POLR2F: variants seen among roughly 807,000 people sequenced by gnomAD.
The protein encoded by POLR2F is DNA-directed RNA polymerases I, II, and III subunit RPABC2.
Under a neutral mutation model 22.7 loss-of-function variants are expected in POLR2F, and 12 were observed. That is an observed-to-expected ratio of 0.53 (90% CI 0.34 to 0.86). The LOEUF (loss-of-function observed/expected upper bound fraction) is 0.86, where lower values mean the gene tolerates loss of function less well. Among genes scored for constraint, POLR2F ranks in the 40% least tolerant of loss-of-function variants. The pLI is 0.02. For missense variants in POLR2F, 126 were observed against 171.5 expected, an observed-to-expected ratio of 0.73 and a Z score of 1.48; for synonymous variants, 57 against 66.0, an observed-to-expected ratio of 0.86 and a Z score of 0.66.
At chr22:37,983,218 C>CA, upstream of POLR2F, 1 of 1,058,276 alleles carries the variant, frequency 9.4e-7, no homozygotes, top group Non-Finnish European at 1.4e-6. The surrounding 1 kb of genome is among the most constrained non-coding windows in gnomAD (Gnocchi z 9.5). Flanking sequence ...GCGCGGCCCC[C>CA]ACACCTGGTC....
intron 5 of POLR2F, chr22:38,032,910 G>A (rs1319281998): frequency 1.2e-5 from 2 of 166,558 alleles, no homozygotes; most frequent in Non-Finnish European, 2.9e-5. Flanking sequence ...TGGGCCACTG[G>A]TGAGCTGCCT....
rs544903739 is a variant in POLR2F, at chr22:37,993,390, T to C, written c.120+7078T>C. Reference sequence around the variant, plus strand: ...AGGAAGGGAGCTCAGCCCACCCATCTTACTGCTCTCACCCGGTTTACTGCT... The same window carrying C: ...AGGAAGGGAGCTCAGCCCACCCATCCTACTGCTCTCACCCGGTTTACTGCT... On this transcript the variant is annotated intron_variant, in intron 1 of 2. Coordinates refer to the POLR2F transcript ENST00000333418. Among the ~76,000 whole-genome samples, 3 of 152,358 alleles carry C rather than the reference T, an allele frequency of 2.0e-5. No individual in the cohort carries two copies. The South Asian group carries it at 6.2e-4, about 32-fold the overall frequency.
chr22:38,040,507 TC>T (rs2085162187), intron 5 of POLR2F: 1 of 155,488 alleles, frequency 6.4e-6, no homozygotes. Context: ...GGGGACTAGA[TC>T]CTGAGGGCAG....
intron 1 of POLR2F, among the ~76,000 whole-genome samples, chr22:38,013,850 C>T (rs1023555042): frequency 2.6e-5 from 4 of 152,256 alleles, no homozygotes; most frequent in African/African-American, 9.6e-5. Flanking sequence ...TGGCCAGGCG[C>T]GGTGGCTTAC....
rs1931537182 is a variant in POLR2F at position 37,959,458 on chromosome 22, C to T, written c.203C>T (p.Thr68Ile). The change falls in exon 3 of 5, where the codon ACC becomes ATC. Residue 68 changes from threonine (T) to isoleucine (I), a missense_variant. Thr to Ile is a moderately conservative substitution (Grantham distance 89). Transcript: ENST00000442738. Reference protein sequence around the residue: ...TKYERARVLGTRALQIAMCAP... With the variant: ...TKYERARVLGIRALQIAMCAP... ...TACGAGCGAGCCCGCGTGCTGGGCACCCGAGCGCTCCAGATTGCGTGAGTG... is the reference window on the plus strand; with the variant it reads ...TACGAGCGAGCCCGCGTGCTGGGCATCCGAGCGCTCCAGATTGCGTGAGTG... The T allele has an allele frequency of 1.9e-6, 3 of 1,613,820 alleles. No homozygotes were observed. The highest frequency in any genetic ancestry group is 2.5e-6 in the Non-Finnish European group (3 of 1,179,964).
At position 37,968,223 on chromosome 22, in the gene POLR2F, C is replaced by T; in HGVS notation, c.*508C>T. ...GGATCCCCTTTCAGGAGCAGTGCCC[C>T]AGCAGGAAGCGTGGGGGTGTGCTGA... is the stretch of plus-strand genomic sequence containing the variant. On this transcript the variant is annotated 3_prime_UTR_variant, in exon 5 of 5. Coordinates refer to ENST00000442738, the MANE Select transcript of POLR2F (RefSeq NM_021974.5). 1 of 985,508 alleles carries T rather than the reference C, an allele frequency of 1.0e-6. No individual in the cohort carries two copies. The highest frequency in any genetic ancestry group is 1.2e-6 in the Non-Finnish European group (1 of 830,000). The allele number at this position is 985,508 out of a possible 1,614,324, so 61.0% of individuals were successfully genotyped here. A position where few individuals can be genotyped will look rare whatever the true frequency, so the allele number is the denominator to read the frequency against.
At chr22:38,041,131 A>C, downstream of POLR2F, 2 of 1,612,702 alleles carry the variant, frequency 1.2e-6, no homozygotes, top group Non-Finnish European at 1.7e-6. Context: ...GGTGGACGGA[A>C]GTACATGGAA....
rs1261140675 is a variant in POLR2F, at chr22:37,967,101, T to C, written c.224T>C (p.Met75Thr). The change falls in exon 4 of 5, where the codon ATG (methionine) becomes ACG (threonine). Residue 75 changes from methionine (M) to threonine (T), a missense_variant and splice_region_variant. Physicochemically the swap from Met to Thr is moderately conservative, Grantham distance 81. Transcript: ENST00000442738. ...AACACCTGTCCCTATCCCTACAGGA[T>C]GTGTGCCCCTGTGATGGTGGAGCTG... ...VLGTRALQIA[M>T]CAPVMVELEG... The C allele has an allele frequency of 6.2e-7, 1 of 1,611,244 alleles. No individual in the cohort carries two copies.
In POLR2F at chr22:37,968,091, G is replaced by A. The variant is rs1931929232; in HGVS notation, c.*376G>A. 1.1e-5 allele frequency: 11 copies of A among 1,000,304 alleles called. No homozygotes were observed. Among genetic ancestry groups the A allele is most frequent in the African/African-American group, 3.5e-5 (2 of 57,536 alleles). 62.0% of individuals were successfully genotyped at this position (1,000,304 alleles called of 1,614,324 possible). On this transcript the variant is annotated 3_prime_UTR_variant, in exon 5 of 5. Transcript: ENST00000442738. ...AAACCCCCAATTTCCTTTCCAGTGGGGACTGGCTGCAGGGGCTTCTCCCTT... is the reference window on the plus strand; with the variant it reads ...AAACCCCCAATTTCCTTTCCAGTGGAGACTGGCTGCAGGGGCTTCTCCCTT...
intron 3 of POLR2F, among the ~76,000 whole-genome samples, chr22:37,961,383 G>T (rs1931635244): frequency 6.6e-6 from 1 of 152,136 alleles, no homozygotes; most frequent in Non-Finnish European, 1.5e-5. Context: ...TTGATGTGAG[G>T]TAGACTATGG....
chr22:38,041,364 G>A (rs1464088948), downstream of POLR2F: 46 of 497,040 alleles, frequency 9.3e-5, no homozygotes, highest in East Asian at 1.5e-3. Flanking sequence ...ACAGGCTTGG[G>A]GAGGGACTGT....
upstream of POLR2F, chr22:37,985,976 C>T: frequency 6.8e-6 from 7 of 1,032,364 alleles, no homozygotes; most frequent in South Asian, 1.3e-4. Flanking sequence ...ACAATCTCCC[C>T]CCAGTTTTCC....
intron 2 of POLR2F, among the ~76,000 whole-genome samples, chr22:37,958,949 A>T (rs1158054037): frequency 6.6e-6 from 1 of 152,180 alleles, no homozygotes; most frequent in East Asian, 1.9e-4. Context: ...CCTATCTGAA[A>T]GATGGGAAGA....
intron 1 of POLR2F, among the ~76,000 whole-genome samples, chr22:38,004,240 C>T (rs1315098435): frequency 6.6e-6 from 1 of 152,110 alleles, no homozygotes; most frequent in South Asian, 2.1e-4. Context: ...GTGACCCTCC[C>T]ACCTCCCTGA....
chr22:38,016,012 C>T lies in POLR2F; in HGVS notation c.121-9857C>T, dbSNP rs73886228. Among the ~76,000 whole-genome samples the T allele has an allele frequency of 9.6e-3, 1,460 of 152,194 alleles. 27 individuals are homozygous for T. Among genetic ancestry groups the T allele is most frequent in the African/African-American group, 0.034 (1,412 of 41,496 alleles). On this transcript the variant is annotated intron_variant, in intron 1 of 2. Transcript: ENST00000333418. The surrounding 1 kb of genome is among the most constrained non-coding windows in gnomAD (Gnocchi z 4.4). ...ATCCACCCCTCCTGGAACTCTCCCC[C>T]GATGGTCTTCCCTACTCTCTAGCCC...
chr22:38,028,146 T>C (rs2085031481), downstream of POLR2F, among the ~76,000 whole-genome samples: 1 of 152,118 alleles, frequency 6.6e-6, no homozygotes, highest in African/African-American at 2.4e-5. Flanking sequence ...GCTTGTTCTG[T>C]GTGTTCCCTG....
intron 2 of POLR2F, 124 bp from the exon 3 acceptor site, chr22:37,959,222 C>A: frequency 1.1e-6 from 1 of 899,358 alleles, no homozygotes; most frequent in Admixed American, 2.1e-5. Context: ...GTTATGTGGT[C>A]CCCTGGCATG....
At chr22:38,002,453 A>C (rs1005439312) in intron 1 of POLR2F, among the ~76,000 whole-genome samples, 1 of 151,968 alleles carries the variant, frequency 6.6e-6, no homozygotes. Context: ...GGGCACTGCA[A>C]CCTCCGCCTC....
downstream of POLR2F, among the ~76,000 whole-genome samples, chr22:38,029,851 C>T (rs2085048400): frequency 1.3e-5 from 2 of 152,298 alleles, no homozygotes; most frequent in East Asian, 1.9e-4. Context: ...GTGGAGCCTT[C>T]GTCCACGCTC....
Sources: gnomAD v4.1 joint callset for allele counts (sites outside exome capture counted in the v4.1 genomes callset) on GRCh38, gnomAD v4.1.1 for gene constraint, Gnocchi (gnomAD v3.1) non-coding constraint, MANE v1.5 for transcripts, NCBI Gene and HGNC (gene_info 2026-07-23, HGNC 2026-07-21) for gene names.